Variants in SKAP1 observed in about 807,000 individuals in gnomAD.
SKAP1 encodes src kinase associated phosphoprotein 1, also known as src kinase-associated phosphoprotein 1.
In SKAP1, 44 loss-of-function variants were observed where a neutral mutation model predicts 58.5. The ratio of observed to expected loss-of-function variants is 0.75; its 90% CI spans 0.59 to 0.97. The LOEUF (loss-of-function observed/expected upper bound fraction) is 0.97. SKAP1 is among the 50% of genes least tolerant of loss of function. SKAP1 has a pLI of 0.00. For missense variants in SKAP1, 390 were observed against 435.2 expected (o/e 0.90, Z 0.92); for synonymous variants, 127 against 149.7 (o/e 0.85, Z 1.11).
chr17:48,331,749 T>G (rs1363271791), intron 4 of SKAP1, among the ~76,000 whole-genome samples: 1 of 152,058 alleles, frequency 6.6e-6, no homozygotes, highest in Non-Finnish European at 1.5e-5. Context: ...AAATCTAGTT[T>G]TCATGCAAAA....
chr17:48,369,988 C>T (rs1447844052), intron 2 of SKAP1, among the ~76,000 whole-genome samples: 1 of 152,148 alleles, frequency 6.6e-6, no homozygotes, highest in African/African-American at 2.4e-5. Flanking sequence ...TGAATGTCTT[C>T]TATGACAAGC....
intron 4 of SKAP1, among the ~76,000 whole-genome samples, chr17:48,298,667 T>C (rs1010722437): frequency 1.3e-5 from 2 of 152,252 alleles, no homozygotes; most frequent in African/African-American, 2.4e-5. Flanking sequence ...ATTCATTTAT[T>C]TCATGAGATC....
At chr17:48,195,880 T>C (rs968956086) in intron 4 of SKAP1, among the ~76,000 whole-genome samples, 1 of 152,050 alleles carries the variant, frequency 6.6e-6, no homozygotes, top group African/African-American at 2.4e-5. Context: ...CAGAAATCTG[T>C]GGAGAAAATC....
intron 2 of SKAP1, chr17:48,382,542 T>C (rs1444532133): frequency 6.6e-6 from 1 of 152,220 alleles, no homozygotes; most frequent in African/African-American, 2.4e-5. Flanking sequence ...CAGAGAAACT[T>C]CTCTAGCAAC....
At chr17:48,212,220 T>C (rs937214511) in intron 4 of SKAP1, among the ~76,000 whole-genome samples, 1 of 151,994 alleles carries the variant, frequency 6.6e-6, no homozygotes, top group Admixed American at 6.6e-5. Context: ...TAGAGGAAAG[T>C]GTTTTCCACT....
chr17:48,182,483 T>C, intron 7 of SKAP1, 26 bp from the exon 8 acceptor site: 1 of 1,525,490 alleles, frequency 6.6e-7, no homozygotes, highest in Non-Finnish European at 9.0e-7. Flanking sequence ...TGAATTAATT[T>C]ATCACTGTCA....
chr17:48,441,368 C>A, the SKAP1 span, among the ~76,000 whole-genome samples: 2 of 152,072 alleles, frequency 1.3e-5, no homozygotes, highest in African/African-American at 4.8e-5. Context: ...ACAAGAGCAT[C>A]AGGGCCTCAC....
chr17:48,412,391 G>T (rs182152555), intron 1 of SKAP1, among the ~76,000 whole-genome samples: 157 of 152,042 alleles, frequency 1.0e-3, no homozygotes, highest in South Asian at 2.1e-4. Flanking sequence ...TTTGGAATCA[G>T]AAAAAAATAA....
At chr17:48,388,326 C>T (rs1334294336) in intron 2 of SKAP1, among the ~76,000 whole-genome samples, 1 of 152,022 alleles carries the variant, frequency 6.6e-6, no homozygotes, top group Non-Finnish European at 1.5e-5. Context: ...CCCAGCTACT[C>T]ACGAGGCTGA....
chr17:48,181,419 C>T (rs1598402371), intron 8 of SKAP1, among the ~76,000 whole-genome samples: 1 of 152,142 alleles, frequency 6.6e-6, no homozygotes, highest in Non-Finnish European at 1.5e-5. Context: ...CCTGTAGTCT[C>T]GCCATCAATG....
intron 4 of SKAP1, among the ~76,000 whole-genome samples, chr17:48,343,485 T>C (rs2144320328): frequency 6.6e-6 from 1 of 152,304 alleles, no homozygotes; most frequent in Middle Eastern, 3.4e-3. Context: ...CATCTTACAA[T>C]CAAGTTTTTA....
chr17:48,383,130 G>A (rs564827646), intron 2 of SKAP1, among the ~76,000 whole-genome samples: 47 of 152,222 alleles, frequency 3.1e-4, no homozygotes, highest in African/African-American at 9.1e-4. Context: ...ATCTGCTTCC[G>A]GTCTATAATC....
chr17:48,317,092 C>A (rs572637761), intron 4 of SKAP1, among the ~76,000 whole-genome samples: 101 of 152,226 alleles, frequency 6.6e-4, no homozygotes, highest in Non-Finnish European at 1.2e-3. Context: ...GCGAAAAGTG[C>A]CAGCCTCTCC....
chr17:48,350,737 A>G (rs929235956), intron 3 of SKAP1, among the ~76,000 whole-genome samples: 1 of 152,134 alleles, frequency 6.6e-6, no homozygotes, highest in African/African-American at 2.4e-5. Flanking sequence ...AACAACAACA[A>G]CAAAACACTA....
chr17:48,215,188 G>T (rs2064924290), intron 4 of SKAP1, among the ~76,000 whole-genome samples: 1 of 152,100 alleles, frequency 6.6e-6, no homozygotes, highest in Admixed American at 6.6e-5. Flanking sequence ...GTCAGCTATA[G>T]ATCTATATCT....
intron 3 of SKAP1, among the ~76,000 whole-genome samples, chr17:48,360,062 CAAA>C (rs1353725881): frequency 6.6e-6 from 1 of 152,156 alleles, no homozygotes; most frequent in Non-Finnish European, 1.5e-5. Context: ...TAGAGATACT[CAAA>C]GAATCTTTAA....
chr17:48,411,404 A>C (rs1443704943), intron 1 of SKAP1, among the ~76,000 whole-genome samples: 1 of 122,196 alleles, frequency 8.2e-6, no homozygotes, highest in Non-Finnish European at 2.0e-5. Context: ...ATCTCAAATA[A>C]ATAAATAAAT....
intron 11 of SKAP1, among the ~76,000 whole-genome samples, chr17:48,140,739 T>C: frequency 6.6e-6 from 1 of 151,934 alleles, no homozygotes; most frequent in East Asian, 1.9e-4. Flanking sequence ...CATTCCCAAT[T>C]TCACTTTCAC....
chr17:48,287,470 T>C (rs886162476), intron 4 of SKAP1, among the ~76,000 whole-genome samples: 2 of 152,106 alleles, frequency 1.3e-5, no homozygotes, highest in African/African-American at 4.8e-5. Flanking sequence ...GGAAGTGATA[T>C]ATGATTCCTA....
Sources: gnomAD v4.1 joint callset for allele counts (sites outside exome capture counted in the v4.1 genomes callset) on GRCh38, gnomAD v4.1.1 for gene constraint, MANE v1.5 for transcripts, NCBI Gene and HGNC (gene_info 2026-07-23, HGNC 2026-07-21) for gene names.